GABBR2: variants seen among roughly 807,000 people sequenced by gnomAD.
GABBR2 encodes the protein G-protein coupled receptor 51.
In GABBR2, 23 loss-of-function variants were observed where a neutral mutation model predicts 105.6. The observed-to-expected ratio is 0.22, with a 90% CI of 0.16 to 0.31. The LOEUF is 0.31. Ranked by LOEUF, GABBR2 falls within the 10% of genes least tolerant of loss-of-function variation. GABBR2 has a pLI of 1.00. For missense variants in GABBR2, 734 were observed against 1,245.5 expected, an observed-to-expected ratio of 0.59 and a Z score of 6.18; for synonymous variants, 478 against 499.7, an observed-to-expected ratio of 0.96 and a Z score of 0.58.
chr9:98,558,213 C>G (rs1323504795), intron 2 of GABBR2, among the ~76,000 whole-genome samples: 5 of 152,142 alleles, frequency 3.3e-5, no homozygotes, highest in African/African-American at 1.2e-4. Flanking sequence ...CATTAAAAAA[C>G]AAAGCAAAAA....
intron 18 of GABBR2, among the ~76,000 whole-genome samples, chr9:98,291,746 G>T (rs1830305795): frequency 6.6e-6 from 1 of 152,144 alleles, no homozygotes; most frequent in Non-Finnish European, 1.5e-5. Context: ...GTGCTCTTCT[G>T]CTGTTTCCCT....
chr9:98,679,271 TC>T (rs1490409447), intron 1 of GABBR2, among the ~76,000 whole-genome samples: 6 of 152,220 alleles, frequency 3.9e-5, no homozygotes, highest in African/African-American at 1.4e-4. Flanking sequence ...AATATGACTG[TC>T]TTCCTGGAAA....
At chr9:98,629,112 A>G (rs1289949792) in intron 1 of GABBR2, among the ~76,000 whole-genome samples, 1 of 152,244 alleles carries the variant, frequency 6.6e-6, no homozygotes, top group East Asian at 1.9e-4. Context: ...CACACCTGGT[A>G]CAAAACACTA....
chr9:98,300,044 G>C (rs930505119), intron 16 of GABBR2, among the ~76,000 whole-genome samples: 1 of 141,640 alleles, frequency 7.1e-6, no homozygotes, highest in Non-Finnish European at 1.5e-5. Context: ...TTTTTTTTTT[G>C]GTAGAGATGG....
intron 7 of GABBR2, among the ~76,000 whole-genome samples, chr9:98,409,877 A>G (rs765207997): frequency 1.8e-4 from 28 of 152,152 alleles, no homozygotes; most frequent in Middle Eastern, 6.3e-3. Flanking sequence ...TATCCTGATA[A>G]ACTTCCTGTA....
chr9:98,518,719 C>T lies in GABBR2; in HGVS notation c.631-22205G>A, dbSNP rs142140771. ...TCAGCCCCACAGCCAGCCCAGGTGT[C>T]TGGGGGAGGATGCTGGGTTGCTCAT... On this transcript the variant is annotated intron_variant, in intron 3 of 18. Transcript: ENST00000259455. Among the ~76,000 whole-genome samples the T allele has an allele frequency of 1.4e-4, 22 of 152,340 alleles. No individual in the cohort carries two copies. In the East Asian group the frequency reaches 3.9e-3, roughly 27 times the overall value.
chr9:98,626,897 C>A (rs747702244), intron 1 of GABBR2, among the ~76,000 whole-genome samples: 6 of 152,122 alleles, frequency 3.9e-5, no homozygotes, highest in Non-Finnish European at 7.4e-5. Context: ...TGAACCAGCA[C>A]AGAAGTTACA....
chr9:98,674,415 A>C (rs540827203), intron 1 of GABBR2, among the ~76,000 whole-genome samples: 1 of 151,550 alleles, frequency 6.6e-6, no homozygotes, highest in Admixed American at 6.6e-5. Context: ...TTTCACTTCA[A>C]AGTGCTGGCT....
At chr9:98,684,877 C>T (rs1446611882) in intron 1 of GABBR2, among the ~76,000 whole-genome samples, 2 of 152,214 alleles carry the variant, frequency 1.3e-5, no homozygotes, top group East Asian at 3.8e-4. Context: ...AGGCCAGCTG[C>T]TGCATCACCA....
intron 1 of GABBR2, chr9:98,606,959 G>A (rs564377336): frequency 3.5e-5 from 26 of 745,568 alleles, no homozygotes; most frequent in Middle Eastern, 7.1e-4. Flanking sequence ...CCGCGGCTCC[G>A]CCTGCATCCA....
intron 7 of GABBR2, among the ~76,000 whole-genome samples, chr9:98,452,094 G>A (rs1305709083): frequency 6.6e-6 from 1 of 152,198 alleles, no homozygotes; most frequent in Non-Finnish European, 1.5e-5. Context: ...CTCTAGGACA[G>A]GGAGCCCATC....
In GABBR2 at chr9:98,306,742, G is replaced by A. The variant is rs1268388500; in HGVS notation, c.2005-397C>T. On this transcript the variant is annotated intron_variant, in intron 14 of 18. Coordinates refer to ENST00000259455, the MANE Select transcript of GABBR2 (RefSeq NM_005458.8). This position sits in a 1 kb window ranked among gnomAD's most constrained non-coding sequence, Gnocchi z 5.4. Reference sequence around the variant, plus strand: ...CGCACAGCAATATGGTAGCAAAAATGGGCTGTGTTTTTAGAAATTCACTCC... The same window carrying A: ...CGCACAGCAATATGGTAGCAAAAATAGGCTGTGTTTTTAGAAATTCACTCC... Among the ~76,000 whole-genome samples the A allele has an allele frequency of 6.6e-6, 1 of 152,128 alleles. No homozygotes were observed. Among genetic ancestry groups the A allele is most frequent in the Non-Finnish European group, 1.5e-5 (1 of 68,020 alleles).
Position 98,349,349 on chromosome 9 carries a change from G to GTTTTTTT in GABBR2, c.1893+13359_1893+13365dup, listed in dbSNP as rs1182072320. Among the ~76,000 whole-genome samples, 32 of 24,210 alleles carry GTTTTTTT rather than the reference G, an allele frequency of 1.3e-3. 1 individual carries two copies. Among genetic ancestry groups the GTTTTTTT allele is most frequent in the Non-Finnish European group, 2.1e-3 (26 of 12,336 alleles). 15.9% of individuals were successfully genotyped at this position (24,210 alleles called of 152,430 possible). On this transcript the variant is annotated intron_variant, in intron 13 of 18. Transcript: ENST00000259455. ...TTTGCCAATATTTTGTTGAAGTTTT[G>GTTTTTTT]TTTTTTTTTTTTTTTTTTTTTTTTT...
intron 13 of GABBR2, among the ~76,000 whole-genome samples, chr9:98,361,378 C>CTCA (rs1831579845): frequency 6.6e-6 from 1 of 151,834 alleles, no homozygotes; most frequent in African/African-American, 2.4e-5. Flanking sequence ...CATCATCGCT[C>CTCA]TTATCATCGT....
chr9:98,574,482 T>C (rs963253180), intron 2 of GABBR2, among the ~76,000 whole-genome samples: 2 of 152,214 alleles, frequency 1.3e-5, no homozygotes, highest in Non-Finnish European at 2.9e-5. Context: ...AGCCTTCAGA[T>C]GATGCCAGCC....
chr9:98,557,954 T>A (rs1828612980), intron 2 of GABBR2, among the ~76,000 whole-genome samples: 1 of 152,138 alleles, frequency 6.6e-6, no homozygotes, highest in Non-Finnish European at 1.5e-5. Context: ...GAATATATGG[T>A]CCTTAGAAAT....
chr9:98,486,290 T>C (rs1827046035), intron 4 of GABBR2, among the ~76,000 whole-genome samples: 1 of 152,336 alleles, frequency 6.6e-6, no homozygotes, highest in East Asian at 1.9e-4. Flanking sequence ...GGGTCTGAGC[T>C]GCTGGAGCTC....
intron 7 of GABBR2, among the ~76,000 whole-genome samples, chr9:98,429,167 T>C (rs1825755585): frequency 6.6e-6 from 1 of 151,302 alleles, no homozygotes; most frequent in African/African-American, 2.4e-5. Context: ...TGAGACAAAG[T>C]GTTGCTCCGC....
chr9:98,306,103 T>TG lies in GABBR2; in HGVS notation c.2229+17dup. 1 of 1,586,968 alleles carries TG rather than the reference T, an allele frequency of 6.3e-7. No individual in the cohort carries two copies. The highest frequency in any genetic ancestry group is 8.6e-7 in the Non-Finnish European group (1 of 1,157,020). ...GAGTCAGAGGGCAGAGGCCAGGTGG[T>TG]GGGGCCAGCGCCTGTACCTTCGGCA... On this transcript the variant is annotated intron_variant, in intron 15 of 18. Transcript: ENST00000259455. The surrounding 1 kb of genome is among the most constrained non-coding windows in gnomAD (Gnocchi z 5.4).
Sources: gnomAD v4.1 joint callset for allele counts (sites outside exome capture counted in the v4.1 genomes callset) on GRCh38, gnomAD v4.1.1 for gene constraint, Gnocchi (gnomAD v3.1) non-coding constraint, MANE v1.5 for transcripts, NCBI Gene and HGNC (gene_info 2026-07-23, HGNC 2026-07-21) for gene names.